NDNF: variants seen among roughly 807,000 people sequenced by gnomAD.
NDNF encodes the protein neuron derived neurotrophic factor.
NDNF carries 16 observed loss-of-function variants against 42.0 expected under a neutral mutation model. The ratio of observed to expected loss-of-function variants is 0.38; its 90% confidence interval spans 0.26 to 0.58. NDNF has a LOEUF of 0.58. Among genes scored for constraint, NDNF ranks in the 20% least tolerant of loss-of-function variants. The pLI, the probability that NDNF is intolerant of heterozygous loss-of-function variation, is 0.67. For synonymous variants in NDNF, 248 were observed against 251.7 expected (o/e 0.99, Z 0.14); for missense variants, 616 against 666.2 (o/e 0.92, Z 0.83).
intron 1 of NDNF, among the ~76,000 whole-genome samples, chr4:121,051,673 A>G (rs900546915): frequency 1.3e-5 from 2 of 152,190 alleles, no homozygotes; most frequent in Non-Finnish European, 2.9e-5. Context: ...CATAAGATCA[A>G]CTAGTCAATT....
chr4:121,061,826 C>G lies in NDNF; in HGVS notation c.-2+10167G>C, dbSNP rs149893647. 2.7e-3 allele frequency among the ~76,000 whole-genome samples: 405 copies of G among 152,298 alleles called. 2 individuals carry two copies. Among genetic ancestry groups the G allele is most frequent in the African/African-American group, 9.1e-3 (378 of 41,570 alleles). ...TTAGAGTAAGATCTGAGTCAAAGAT[C>G]TAAGTTGAAAAGGTCCTGATTAAAC... On this transcript the variant is annotated intron_variant, in intron 1 of 3. Transcript: ENST00000379692.
intron 1 of NDNF, among the ~76,000 whole-genome samples, chr4:121,046,597 C>G (rs1426937853): frequency 1.3e-5 from 2 of 152,202 alleles, no homozygotes; most frequent in Non-Finnish European, 2.9e-5. Context: ...ATATACACCT[C>G]TATCATTTTA....
At chr4:121,039,890 C>G in intron 3 of NDNF, 40 bp downstream of exon 3, 2 of 1,589,532 alleles carry the variant, frequency 1.3e-6, no homozygotes, top group South Asian at 2.3e-5. Context: ...TTAAAACCAT[C>G]CATTCAAAGG....
rs758786906 is a variant in NDNF at position 121,037,295 on chromosome 4, C to A, written c.676G>T (p.Ala226Ser). 1 of 1,613,986 alleles carries A rather than the reference C, an allele frequency of 6.2e-7. No homozygotes were observed. The highest frequency in any genetic ancestry group is 1.3e-5 in the African/African-American group (1 of 74,904). ...TCTGCACTCAGTTTTGCTTCCACTG[C>A]ACAGAGACTTTTGAAATTGTGCTCT... is the stretch of plus-strand genomic sequence containing the variant. Reference protein sequence around the residue: ...NKEHNFKSLCAVEAKLSADDA... With the variant: ...NKEHNFKSLCSVEAKLSADDA... The change falls in exon 4 of 4, where the codon GCA becomes TCA. Residue 226 changes from alanine (A) to serine (S), a missense_variant. Transcript: ENST00000379692.
chr4:121,045,632 AT>A lies in NDNF; in HGVS notation c.188+17del. 1 of 1,603,098 alleles carries A rather than the reference AT, an allele frequency of 6.2e-7. No individual in the cohort carries two copies. The highest frequency in any genetic ancestry group is 8.5e-7 in the Non-Finnish European group (1 of 1,171,538). On this transcript the variant is annotated intron_variant, in intron 2 of 3. Coordinates refer to ENST00000379692, the MANE Select transcript of NDNF (RefSeq NM_024574.4). ...CTTTGTGAGCTTTTTAATAAAGAAA[AT>A]ACTGCAGGGAGAATACCTCTTAGGT...
At chr4:121,048,936 C>A (rs1727142792) in intron 1 of NDNF, among the ~76,000 whole-genome samples, 1 of 152,314 alleles carries the variant, frequency 6.6e-6, no homozygotes, top group East Asian at 1.9e-4. Context: ...TATATTATTT[C>A]ATCTAATGCT....
intron 1 of NDNF, among the ~76,000 whole-genome samples, chr4:121,057,825 G>A (rs996371099): frequency 2.0e-5 from 3 of 152,174 alleles, no homozygotes; most frequent in Non-Finnish European, 4.4e-5. Context: ...ATAGGATTGC[G>A]ACAGTGTGGT....
chr4:121,036,127 C>A lies in NDNF; in HGVS notation c.*137G>T. On this transcript the variant is annotated 3_prime_UTR_variant, in exon 4 of 4. Coordinates refer to ENST00000379692, the MANE Select transcript of NDNF (RefSeq NM_024574.4). ...AGTTACTTATATAAACATCAATATA[C>A]ACACGTTGATATCCTTCCTTCCATA... is the stretch of plus-strand genomic sequence containing the variant. The A allele has an allele frequency of 1.4e-6, 1 of 736,706 alleles. No homozygotes were observed. Among genetic ancestry groups the A allele is most frequent in the Non-Finnish European group, 2.3e-6 (1 of 442,504 alleles). The allele number at this position is 736,706 out of a possible 1,614,324, so 45.6% of individuals were successfully genotyped here.
chr4:121,051,743 G>T (rs766939854), intron 1 of NDNF, among the ~76,000 whole-genome samples: 3 of 152,126 alleles, frequency 2.0e-5, no homozygotes, highest in African/African-American at 4.8e-5. Flanking sequence ...GAAATTGTAT[G>T]AACAGTGATA....
intron 1 of NDNF, among the ~76,000 whole-genome samples, chr4:121,050,785 TA>T (rs1203068903): frequency 6.6e-6 from 1 of 152,154 alleles, no homozygotes; most frequent in Non-Finnish European, 1.5e-5. Flanking sequence ...CAGATCCTGC[TA>T]AAACTGAGGT....
At chr4:121,045,346 C>T (rs1213129177) in intron 2 of NDNF, among the ~76,000 whole-genome samples, 2 of 146,586 alleles carry the variant, frequency 1.4e-5, no homozygotes, top group African/African-American at 2.5e-5. Flanking sequence ...AGCGAGACTC[C>T]GTCTCAGGGA....
intron 2 of NDNF, among the ~76,000 whole-genome samples, chr4:121,040,819 T>A (rs1226252734): frequency 6.6e-6 from 1 of 152,106 alleles, no homozygotes; most frequent in African/African-American, 2.4e-5. Flanking sequence ...ATTTTTAAAT[T>A]TTTTTGTACA....
chr4:121,070,178 ACAC>A (rs1727565046), intron 1 of NDNF, among the ~76,000 whole-genome samples: 1 of 152,248 alleles, frequency 6.6e-6, no homozygotes, highest in East Asian at 1.9e-4. Context: ...CCCAGTATAA[ACAC>A]AGTCTGAGCG....
chr4:121,045,965 A>G (rs79247903), intron 1 of NDNF, 127 bp from the exon 2 acceptor site: 34,726 of 715,416 alleles, frequency 0.049, 933 homozygotes, highest in East Asian at 0.096. Context: ...TGTATTTTGG[A>G]TACATACACA....
rs1560603187 is a variant in NDNF, at chr4:121,039,182, GTGTGTGTGTGTATATATATATATATA to G, written c.313+722_313+747del. Among the ~76,000 whole-genome samples the G allele has an allele frequency of 1.9e-3, 26 of 13,814 alleles. 2 individuals carry two copies. The highest frequency in any genetic ancestry group is 2.5e-3 in the Non-Finnish European group (16 of 6,338). The allele number at this position is 13,814 out of a possible 152,430, so 9.1% of individuals were successfully genotyped here. A position where few individuals can be genotyped will look rare whatever the true frequency, so the allele number is the denominator to read the frequency against. On this transcript the variant is annotated intron_variant, in intron 3 of 3. Coordinates refer to ENST00000379692, the MANE Select transcript of NDNF (RefSeq NM_024574.4). ...GTATATATATATATAAAGACTATGTGTGTGTGTGTGTATATATATATATATATATATATATATATATATATATATAT... is the reference window on the plus strand; with the variant it reads ...GTATATATATATATAAAGACTATGTGTATATATATATATATATATATATAT...
At chr4:121,050,463 G>A (rs1727174783) in intron 1 of NDNF, among the ~76,000 whole-genome samples, 1 of 152,040 alleles carries the variant, frequency 6.6e-6, no homozygotes, top group South Asian at 2.1e-4. Flanking sequence ...TTTTTTCATG[G>A]CCATCTGGTG....
At chr4:121,047,779 A>C (rs1192953467) in intron 1 of NDNF, among the ~76,000 whole-genome samples, 1 of 152,240 alleles carries the variant, frequency 6.6e-6, no homozygotes, top group Non-Finnish European at 1.5e-5. Context: ...AAAAGCTGGC[A>C]GTTTAAGAAT....
chr4:121,072,155 A>G lies in NDNF; in HGVS notation c.-164T>C, dbSNP rs1727617047. On this transcript the variant is annotated 5_prime_UTR_variant, in exon 1 of 4. Coordinates refer to ENST00000379692, the MANE Select transcript of NDNF (RefSeq NM_024574.4). ...GGACGGAGGCAGATAAAAGAGAAAA[A>G]TTCAATCCGCTGAAGTGTCCCAACT... is the stretch of plus-strand genomic sequence containing the variant. 1 of 152,360 alleles carries G rather than the reference A, an allele frequency of 6.6e-6. No homozygotes were observed. Among genetic ancestry groups the G allele is most frequent in the Non-Finnish European group, 1.5e-5 (1 of 68,168 alleles). 9.4% of individuals were successfully genotyped at this position (152,360 alleles called of 1,614,324 possible). A position where few individuals can be genotyped will look rare whatever the true frequency, so the allele number is the denominator to read the frequency against.
At chr4:121,055,062 G>A (rs994309297) in intron 1 of NDNF, among the ~76,000 whole-genome samples, 5 of 151,930 alleles carry the variant, frequency 3.3e-5, no homozygotes, top group African/African-American at 9.7e-5. Context: ...TCAAACCCCT[G>A]GGCTCGGGTG....
Sources: gnomAD v4.1 joint callset for allele counts (sites outside exome capture counted in the v4.1 genomes callset) on GRCh38, gnomAD v4.1.1 for gene constraint, MANE v1.5 for transcripts, NCBI Gene and HGNC (gene_info 2026-07-23, HGNC 2026-07-21) for gene names.